The following PRKCE variants were observed in gnomAD, a reference collection of about 807,000 sequenced individuals.
The protein encoded by PRKCE is protein kinase C epsilon type.
In PRKCE, 16 loss-of-function variants were observed where a neutral mutation model predicts 85.4. The ratio of observed to expected loss-of-function variants is 0.19; its 90% confidence interval spans 0.13 to 0.28. The LOEUF is 0.28. Among genes scored for constraint, PRKCE ranks in the 10% least tolerant of loss-of-function variants. The pLI, the probability that PRKCE is intolerant of heterozygous loss-of-function variation, is 1.00. For synonymous variants in PRKCE, 388 were observed against 371.5 expected, an observed-to-expected ratio of 1.04 and a Z score of -0.51; for missense variants, 573 against 975.2, an observed-to-expected ratio of 0.59 and a Z score of 5.49.
At chr2:46,136,405 C>T (rs67087783) in intron 11 of PRKCE, among the ~76,000 whole-genome samples, 35,285 of 152,080 alleles carry the variant, frequency 0.23, 4,366 homozygotes, top group Middle Eastern at 0.37. Context: ...GGGAATCTAC[C>T]ATCAATATAG....
At chr2:46,116,086 T>G (rs1672741211) in intron 11 of PRKCE, among the ~76,000 whole-genome samples, 1 of 152,192 alleles carries the variant, frequency 6.6e-6, no homozygotes, top group Admixed American at 6.5e-5. Context: ...ACAGATGTAA[T>G]GCTTGCTTAG....
In PRKCE at chr2:45,834,780, C is replaced by T. The variant is rs545035739; in HGVS notation, c.349-8220C>T. Among the ~76,000 whole-genome samples, 71 of 152,268 alleles carry T rather than the reference C, an allele frequency of 4.7e-4. 1 individual carries two copies. The highest frequency in any genetic ancestry group is 3.7e-3 in the South Asian group (18 of 4,826). On this transcript the variant is annotated intron_variant, in intron 1 of 14. Transcript: ENST00000306156. The stretch of plus-strand genomic sequence containing the variant: ...TTTTTAGGACTCGCATGGTGATCTA[C>T]CATATGATGTACCATAATTTATTTA...
chr2:45,741,925 C>T (rs1454705305), intron 1 of PRKCE, among the ~76,000 whole-genome samples: 1 of 152,198 alleles, frequency 6.6e-6, no homozygotes, highest in Non-Finnish European at 1.5e-5. Context: ...ATGCTTGTTA[C>T]CTGGTCAGCC....
intron 6 of PRKCE, among the ~76,000 whole-genome samples, chr2:45,993,820 A>G (rs776923835): frequency 5.3e-5 from 8 of 152,160 alleles, no homozygotes; most frequent in Non-Finnish European, 1.5e-5. Flanking sequence ...CTGGTCTCTG[A>G]TCAGCCCGCG....
Position 45,895,288 on chromosome 2 carries a change from TACGGTA to T in PRKCE, c.412+52228_412+52233del, listed in dbSNP as rs1696050841. Among the ~76,000 whole-genome samples, 1 of 152,186 alleles carries T rather than the reference TACGGTA, an allele frequency of 6.6e-6. No individual in the cohort carries two copies. Among genetic ancestry groups the T allele is most frequent in the Non-Finnish European group, 1.5e-5 (1 of 68,044 alleles). Reference sequence around the variant, plus strand: ...GGTGCCCCTTCAGTACACACACAGCTACGGTAACAGTACCTCTCCATCCACAGTGAC... The same window carrying T: ...GGTGCCCCTTCAGTACACACACAGCTACAGTACCTCTCCATCCACAGTGAC... On this transcript the variant is annotated intron_variant, in intron 2 of 14. Coordinates refer to ENST00000306156, the MANE Select transcript of PRKCE (RefSeq NM_005400.3). The surrounding 1 kb of genome is among the most constrained non-coding windows in gnomAD (Gnocchi z 4.8).
At chr2:45,698,581 T>G (rs956153110) in intron 1 of PRKCE, among the ~76,000 whole-genome samples, 1 of 149,334 alleles carries the variant, frequency 6.7e-6, no homozygotes, top group East Asian at 2.0e-4. Context: ...AAAAAAAATA[T>G]ATGAAGGAAG....
At chr2:45,960,681 C>T (rs1281982018) in intron 2 of PRKCE, among the ~76,000 whole-genome samples, 1 of 152,206 alleles carries the variant, frequency 6.6e-6, no homozygotes, top group Admixed American at 6.5e-5. Flanking sequence ...GTACTGTGGT[C>T]CCCTGGGGAT....
chr2:46,172,143 G>A (rs1678969430), intron 14 of PRKCE, among the ~76,000 whole-genome samples: 1 of 152,208 alleles, frequency 6.6e-6, no homozygotes. Context: ...CCGTCCTCCA[G>A]AGACTCTGCA....
intron 14 of PRKCE, among the ~76,000 whole-genome samples, chr2:46,174,212 C>G (rs281475): frequency 0.11 from 17,299 of 152,238 alleles, 1,024 homozygotes; most frequent in Middle Eastern, 0.19. Flanking sequence ...CCTACGACTA[C>G]AGGGGCCACC....
intron 11 of PRKCE, among the ~76,000 whole-genome samples, chr2:46,102,152 G>T (rs193181933): frequency 6.6e-6 from 1 of 152,184 alleles, no homozygotes; most frequent in East Asian, 1.9e-4. Flanking sequence ...AATCAGCAAG[G>T]GTTTTCCTCA....
chr2:46,009,049 C>T (rs1263634087), intron 9 of PRKCE, among the ~76,000 whole-genome samples: 4 of 152,148 alleles, frequency 2.6e-5, no homozygotes, highest in Admixed American at 2.6e-4. Flanking sequence ...TTAGGAGTTA[C>T]TTATTTAAGA....
chr2:45,845,620 G>C (rs1170609667), intron 2 of PRKCE: 1 of 152,170 alleles, frequency 6.6e-6, no homozygotes, highest in Non-Finnish European at 1.5e-5. Context: ...GAGATGGTGT[G>C]ACTACACCCC....
chr2:45,800,747 C>G (rs533160107), intron 1 of PRKCE, among the ~76,000 whole-genome samples: 11 of 152,190 alleles, frequency 7.2e-5, no homozygotes, highest in East Asian at 1.9e-4. Context: ...GGAGAAGGAA[C>G]TTGGGGGTAG....
intron 10 of PRKCE, among the ~76,000 whole-genome samples, chr2:46,027,508 T>C (rs1263156509): frequency 1.3e-5 from 2 of 152,184 alleles, no homozygotes; most frequent in African/African-American, 4.8e-5. Flanking sequence ...GTGAGTCTTA[T>C]TTGATCTTTA....
At chr2:46,161,899 A>G (rs1677807621) in intron 14 of PRKCE, among the ~76,000 whole-genome samples, 1 of 152,134 alleles carries the variant, frequency 6.6e-6, no homozygotes, top group South Asian at 2.1e-4. Context: ...GCCTTCTGAG[A>G]GGCATCCCTC....
chr2:45,990,534 G>C (rs927893678), intron 6 of PRKCE, among the ~76,000 whole-genome samples: 7 of 152,062 alleles, frequency 4.6e-5, no homozygotes, highest in Admixed American at 4.6e-4. Flanking sequence ...AAATGCAATC[G>C]TCTTGTCTAT....
chr2:46,033,248 G>A (rs963691285), intron 10 of PRKCE, among the ~76,000 whole-genome samples: 2 of 152,214 alleles, frequency 1.3e-5, no homozygotes, highest in African/African-American at 4.8e-5. Context: ...TCATCATTTG[G>A]TGAGAGAGGT....
chr2:46,162,904 T>C (rs1417162168), intron 14 of PRKCE, among the ~76,000 whole-genome samples: 1 of 151,902 alleles, frequency 6.6e-6, no homozygotes, highest in African/African-American at 2.4e-5. Flanking sequence ...TTCTGAAAAA[T>C]GTCAATGGCA....
intron 1 of PRKCE, among the ~76,000 whole-genome samples, chr2:45,728,750 A>T (rs936812055): frequency 6.6e-6 from 1 of 152,174 alleles, no homozygotes; most frequent in Non-Finnish European, 1.5e-5. Flanking sequence ...GCTGCTAATT[A>T]TTGAGGCCCT....
Sources: allele counts gnomAD v4.1 joint callset (sites outside exome capture counted in the v4.1 genomes callset), GRCh38; gene constraint gnomAD v4.1.1; non-coding constraint Gnocchi (gnomAD v3.1); transcripts MANE v1.5; gene names NCBI Gene and HGNC (gene_info 2026-07-23, HGNC 2026-07-21).